Variants in CCNJL observed in about 807,000 individuals in gnomAD.
CCNJL encodes cyclin-J-like protein.
A neutral mutation model predicts 33.4 loss-of-function variants in CCNJL; 33 were observed. The observed-to-expected ratio is 0.99, with a 90% CI of 0.75 to 1.32. The LOEUF (loss-of-function observed/expected upper bound fraction) is 1.32, where lower values mean the gene tolerates loss of function less well. CCNJL is among the 40% of genes most tolerant of loss of function. The probability of loss-of-function intolerance (pLI) is 0.00; values close to 1 mark genes in which losing one functional copy is unlikely to be tolerated. For synonymous variants in CCNJL, 227 were observed against 220.9 expected (o/e 1.03, Z -0.24); for missense variants, 512 against 499.7 (o/e 1.02, Z -0.23).
chr5:160,284,162 G>C (rs965049009), intron 2 of CCNJL, among the ~76,000 whole-genome samples: 2 of 151,952 alleles, frequency 1.3e-5, no homozygotes, highest in Admixed American at 6.6e-5. Context: ...GACTAGCCTG[G>C]GCAACATGGC....
At chr5:160,288,106 TC>T (rs1580989409) in intron 2 of CCNJL, among the ~76,000 whole-genome samples, 1 of 152,110 alleles carries the variant, frequency 6.6e-6, no homozygotes, top group Non-Finnish European at 1.5e-5. Context: ...GTCATCACAG[TC>T]CTTTATTATT....
chr5:160,306,215 A>G (rs1383560606), intron 2 of CCNJL, among the ~76,000 whole-genome samples: 9 of 150,178 alleles, frequency 6.0e-5, no homozygotes, highest in Non-Finnish European at 3.0e-5. Context: ...TGGTTGCAGT[A>G]AGCCAAAATC....
At chr5:160,285,539 C>A (rs1300227079) in intron 2 of CCNJL, among the ~76,000 whole-genome samples, 1 of 152,096 alleles carries the variant, frequency 6.6e-6, no homozygotes, top group African/African-American at 2.4e-5. Context: ...AGAGGGAAGT[C>A]GTGACCAACT....
At chr5:160,276,779 A>ATCTC (rs113862976) in intron 3 of CCNJL, among the ~76,000 whole-genome samples, 21,059 of 151,980 alleles carry the variant, frequency 0.14, 2,328 homozygotes, top group African/African-American at 0.3. Context: ...CATGAATTTT[A>ATCTC]TCTCTCTTTT....
intron 1 of CCNJL, among the ~76,000 whole-genome samples, chr5:160,319,254 T>A (rs1377730621): frequency 1.3e-5 from 2 of 152,192 alleles, no homozygotes; most frequent in Non-Finnish European, 2.9e-5. Context: ...TAGCTGGGAC[T>A]ACAAGCAAGG....
chr5:160,278,566 C>T (rs966890928), intron 3 of CCNJL, among the ~76,000 whole-genome samples: 2 of 152,118 alleles, frequency 1.3e-5, no homozygotes, highest in Admixed American at 6.5e-5. Flanking sequence ...TCCTGCTGCC[C>T]GAGGCTGTGC....
chr5:160,338,658 A>C (rs1027773800), intron 1 of CCNJL, among the ~76,000 whole-genome samples: 2 of 152,226 alleles, frequency 1.3e-5, no homozygotes, highest in African/African-American at 4.8e-5. Flanking sequence ...TAAGGGAATG[A>C]TTATAATCTT....
At chr5:160,261,997 T>A (rs1272705983) in intron 3 of CCNJL, among the ~76,000 whole-genome samples, 1 of 152,236 alleles carries the variant, frequency 6.6e-6, no homozygotes, top group Non-Finnish European at 1.5e-5. Flanking sequence ...TCTCTGATGA[T>A]CTTGTATTCC....
chr5:160,299,988 T>C (rs747783810), intron 2 of CCNJL, among the ~76,000 whole-genome samples: 8 of 152,056 alleles, frequency 5.3e-5, no homozygotes, highest in Non-Finnish European at 1.0e-4. Context: ...CTCTCCAACT[T>C]TCCCTTACAA....
chr5:160,338,636 G>A (rs1286042879), intron 1 of CCNJL, among the ~76,000 whole-genome samples: 4 of 152,144 alleles, frequency 2.6e-5, no homozygotes, highest in East Asian at 3.8e-4. Context: ...AAGAATGTAA[G>A]GGCTATTTGT....
At chr5:160,308,472 T>G (rs149349380) in intron 2 of CCNJL, among the ~76,000 whole-genome samples, 2 of 152,150 alleles carry the variant, frequency 1.3e-5, no homozygotes, top group African/African-American at 4.8e-5. Flanking sequence ...GAAAAATAAC[T>G]TCAGGCCAGG....
At chr5:160,332,334 G>C (rs1431750369) in intron 1 of CCNJL, among the ~76,000 whole-genome samples, 1 of 152,130 alleles carries the variant, frequency 6.6e-6, no homozygotes, top group Non-Finnish European at 1.5e-5. Context: ...ACTGGATAGT[G>C]GCAAAAGCTC....
At chr5:160,312,606 C>A (rs1763312677), upstream of CCNJL, 1 of 151,636 alleles carries the variant, frequency 6.6e-6, no homozygotes, top group Admixed American at 6.6e-5. Flanking sequence ...GAATTGGGGG[C>A]CGGGCCTCGC....
intron 1 of CCNJL, among the ~76,000 whole-genome samples, chr5:160,326,219 A>G (rs1763533564): frequency 6.6e-6 from 1 of 152,136 alleles, no homozygotes; most frequent in Non-Finnish European, 1.5e-5. Flanking sequence ...ACAAGCCTGT[A>G]ATCCAAACAC....
At chr5:160,328,332 G>T (rs1274670605) in intron 1 of CCNJL, among the ~76,000 whole-genome samples, 2 of 152,216 alleles carry the variant, frequency 1.3e-5, no homozygotes, top group Non-Finnish European at 1.5e-5. Flanking sequence ...GTTAGAGTAG[G>T]CAGTGAGTAG....
chr5:160,324,647 T>TAA (rs1170551626), intron 1 of CCNJL, among the ~76,000 whole-genome samples: 1 of 84,598 alleles, frequency 1.2e-5, no homozygotes, highest in Non-Finnish European at 2.7e-5. Context: ...CTATCTATAA[T>TAA]AAATATATAT....
At chr5:160,253,930 G>T in intron 5 of CCNJL, 132 bp from the exon 6 acceptor site, 1 of 630,302 alleles carries the variant, frequency 1.6e-6, no homozygotes, top group Non-Finnish European at 2.6e-6. Flanking sequence ...TTACCTGGCT[G>T]TGCTCACTGT....
intron 3 of CCNJL, among the ~76,000 whole-genome samples, chr5:160,275,534 G>C (rs1761981079): frequency 6.6e-6 from 1 of 152,010 alleles, no homozygotes. Flanking sequence ...GCCCAGGCTG[G>C]AGTGCAGTGT....
At chr5:160,336,840 C>A (rs73819837) in intron 1 of CCNJL, among the ~76,000 whole-genome samples, 8,603 of 152,076 alleles carry the variant, frequency 0.057, 552 homozygotes, top group African/African-American at 0.16. Flanking sequence ...CAGGCCACAT[C>A]CAAATACTCA....
Sources: allele counts gnomAD v4.1 joint callset (sites outside exome capture counted in the v4.1 genomes callset), GRCh38; gene constraint gnomAD v4.1.1; transcripts MANE v1.5; gene names NCBI Gene and HGNC (gene_info 2026-07-23, HGNC 2026-07-21).